The following SPMIP11 variants were observed in gnomAD, a reference collection of about 807,000 sequenced individuals.
The protein encoded by SPMIP11 is long intergenic non-protein coding RNA 935.
chr12:48,752,291 T>C, the SPMIP11 span, among the ~76,000 whole-genome samples: 1 of 152,134 alleles, frequency 6.6e-6, no homozygotes, highest in Non-Finnish European at 1.5e-5. Context: ...ATAGGATACC[T>C]GGAAAACAAT....
the SPMIP11 span, among the ~76,000 whole-genome samples, chr12:48,739,545 C>T: frequency 1.3e-5 from 2 of 152,048 alleles, no homozygotes; most frequent in East Asian, 3.8e-4. Context: ...TTTAACTGTC[C>T]CATGGTTCTA....
the SPMIP11 span, among the ~76,000 whole-genome samples, chr12:48,747,255 C>T: frequency 1.3e-5 from 2 of 152,132 alleles, no homozygotes; most frequent in East Asian, 3.9e-4. Context: ...TCCTCAAATG[C>T]TGAGATTACA....
At chr12:48,757,783 C>T in the SPMIP11 span, among the ~76,000 whole-genome samples, 1 of 152,042 alleles carries the variant, frequency 6.6e-6, no homozygotes, top group East Asian at 1.9e-4. Flanking sequence ...CACATGAGGC[C>T]AGGAATTCAA....
At chr12:48,750,879 C>T in the SPMIP11 span, among the ~76,000 whole-genome samples, 2 of 152,182 alleles carry the variant, frequency 1.3e-5, no homozygotes, top group South Asian at 2.1e-4. Context: ...ACTCAAACTG[C>T]TTGACACCTT....
the SPMIP11 span, among the ~76,000 whole-genome samples, chr12:48,756,717 G>A: frequency 6.6e-6 from 1 of 151,790 alleles, no homozygotes; most frequent in African/African-American, 2.4e-5. Flanking sequence ...TTCTGCTCCA[G>A]GAATACAGAA....
chr12:48,737,772 A>G, the SPMIP11 span, among the ~76,000 whole-genome samples: 1 of 152,024 alleles, frequency 6.6e-6, no homozygotes, highest in Non-Finnish European at 1.5e-5. Flanking sequence ...TGTCAGCTAT[A>G]AAGTCTCCCA....
chr12:48,748,597 C>T, the SPMIP11 span, among the ~76,000 whole-genome samples: 1 of 151,950 alleles, frequency 6.6e-6, no homozygotes, highest in South Asian at 2.1e-4. Context: ...ATTATCGCTG[C>T]CCAGAAGTCA....
At chr12:48,756,984 C>T in the SPMIP11 span, among the ~76,000 whole-genome samples, 6 of 151,984 alleles carry the variant, frequency 3.9e-5, no homozygotes, top group Non-Finnish European at 5.9e-5. Context: ...CCATGTTGGC[C>T]AGGCTGGTCT....
chr12:48,741,252 T>C, the SPMIP11 span, among the ~76,000 whole-genome samples: 37 of 152,078 alleles, frequency 2.4e-4, no homozygotes, highest in African/African-American at 8.7e-4. Context: ...GGTTTCTCCA[T>C]GTTGGTCAGG....
At chr12:48,753,680 A>G in the SPMIP11 span, among the ~76,000 whole-genome samples, 1 of 121,966 alleles carries the variant, frequency 8.2e-6, no homozygotes, top group Admixed American at 8.1e-5. Flanking sequence ...GCTTTTCTTT[A>G]CTTTTTTTTT....
At chr12:48,768,851 T>C in the SPMIP11 span, 76 of 1,550,870 alleles carry the variant, frequency 4.9e-5, no homozygotes, top group Non-Finnish European at 4.6e-5. Flanking sequence ...CTAGCCACCC[T>C]ACCCCTGTCC....
the SPMIP11 span, among the ~76,000 whole-genome samples, chr12:48,737,926 G>A: frequency 7.9e-5 from 12 of 152,012 alleles, no homozygotes; most frequent in South Asian, 2.1e-4. Context: ...AGGCTCAAGC[G>A]ATGCTCCCAG....
chr12:48,770,063 ATTTTTTT>A, the SPMIP11 span, among the ~76,000 whole-genome samples: 8 of 112,912 alleles, frequency 7.1e-5, no homozygotes, highest in African/African-American at 1.0e-4. Flanking sequence ...GCCCGGCCTA[ATTTTTTT>A]TTTTTTTTTT....
the SPMIP11 span, among the ~76,000 whole-genome samples, chr12:48,735,607 A>G: frequency 6.7e-6 from 1 of 148,698 alleles, no homozygotes; most frequent in African/African-American, 2.6e-5. Flanking sequence ...AATAAATACA[A>G]ATCAATAAGG....
the SPMIP11 span, among the ~76,000 whole-genome samples, chr12:48,742,081 T>A: frequency 0.024 from 3,633 of 152,020 alleles, 146 homozygotes; most frequent in African/African-American, 0.084. Context: ...TACTACAATT[T>A]TAAAAAAAAT....
At chr12:48,744,742 A>T in the SPMIP11 span, among the ~76,000 whole-genome samples, 11 of 149,550 alleles carry the variant, frequency 7.4e-5, no homozygotes, top group East Asian at 4.1e-4. Context: ...ATAATAATAA[A>T]GAAGAAGAAG....
the SPMIP11 span, among the ~76,000 whole-genome samples, chr12:48,756,131 C>T: frequency 6.6e-6 from 1 of 152,082 alleles, no homozygotes; most frequent in African/African-American, 2.4e-5. Flanking sequence ...GATCCGCCTG[C>T]CTCGGCCTCC....
At chr12:48,750,256 G>A in the SPMIP11 span, among the ~76,000 whole-genome samples, 1 of 152,118 alleles carries the variant, frequency 6.6e-6, no homozygotes, top group Non-Finnish European at 1.5e-5. Flanking sequence ...GGGAGGCTGA[G>A]GAGAGAGGAT....
At chr12:48,771,082 G>A in the SPMIP11 span, 4 of 1,068,846 alleles carry the variant, frequency 3.7e-6, no homozygotes, top group Non-Finnish European at 5.4e-6. The surrounding 1 kb of genome is among the most constrained non-coding windows in gnomAD (Gnocchi z 4.3). Context: ...CCTGTCTCAA[G>A]AGCCCCCTTC....
Sources: allele counts gnomAD v4.1 joint callset (sites outside exome capture counted in the v4.1 genomes callset), GRCh38; gene constraint gnomAD v4.1.1; non-coding constraint Gnocchi (gnomAD v3.1); transcripts MANE v1.5; gene names NCBI Gene and HGNC (gene_info 2026-07-23, HGNC 2026-07-21).